The following CUBN variants were observed in gnomAD, a reference collection of about 807,000 sequenced individuals.
The protein encoded by CUBN is 460 kDa receptor.
CUBN carries 282 observed loss-of-function variants against 405.3 expected under a neutral mutation model. The observed-to-expected ratio is 0.70, with a 90% CI of 0.63 to 0.77. The LOEUF is 0.77. Ranked by LOEUF, CUBN falls within the 30% of genes least tolerant of loss-of-function variation. The pLI is 0.00. For missense variants in CUBN, 4,514 were observed against 4,475.2 expected (o/e 1.01, Z -0.25); for synonymous variants, 1,684 against 1,617.0 (o/e 1.04, Z -0.99).
intron 59 of CUBN, among the ~76,000 whole-genome samples, chr10:16,867,476 G>A (rs938978889): frequency 1.3e-5 from 2 of 152,310 alleles, no homozygotes; most frequent in Admixed American, 6.5e-5. Flanking sequence ...GGTCTTGAAA[G>A]CTTTGTAAGA....
chr10:17,000,343 A>G (rs1477010211), intron 28 of CUBN, among the ~76,000 whole-genome samples: 1 of 152,246 alleles, frequency 6.6e-6, no homozygotes, highest in Non-Finnish European at 1.5e-5. Flanking sequence ...AGCACTTTAT[A>G]AATGAGTAAT....
chr10:17,067,617 G>C (rs1433988918), intron 21 of CUBN, among the ~76,000 whole-genome samples: 1 of 152,058 alleles, frequency 6.6e-6, no homozygotes, highest in Non-Finnish European at 1.5e-5. Flanking sequence ...GTTTCAATTT[G>C]ATAAAACTAC....
In CUBN at chr10:17,071,623, T is replaced by C. The variant is rs1044807069; in HGVS notation, c.2447-19A>G. 6.2e-7 allele frequency: 1 copy of C among 1,607,692 alleles called. No homozygotes were observed. Among genetic ancestry groups the C allele is most frequent in the Middle Eastern group, 1.7e-4 (1 of 6,048 alleles). On this transcript the variant is annotated intron_variant, in intron 18 of 66. Transcript: ENST00000377833. ...CCGCAAGCTGTAAGCATAAAAATTA[T>C]AGTAGTGCTTGTCCAGATATTAATA...
At position 17,068,298 on chromosome 10, in the gene CUBN, A is replaced by T. The variant is rs10904871; in HGVS notation, c.2792-18T>A. On this transcript the variant is annotated intron_variant, in intron 20 of 66. Coordinates refer to ENST00000377833, the MANE Select transcript of CUBN (RefSeq NM_001081.4). ...TCCACATGCTGTTGAAATAAAAATT[A>T]TAATTACTGCAGCAAGTAACCAAGC... is the stretch of plus-strand genomic sequence containing the variant. The T allele has an allele frequency of 0.029, 47,244 of 1,610,120 alleles. 1,015 individuals carry two copies. Among genetic ancestry groups the T allele is most frequent in the African/African-American group, 0.11 (7,892 of 74,924 alleles).
intron 60 of CUBN, 39 bp from the exon 61 acceptor site, chr10:16,841,086 C>A: frequency 6.9e-6 from 11 of 1,594,562 alleles, no homozygotes; most frequent in South Asian, 2.2e-5. Context: ...CCATTACTTA[C>A]AAAAAATTGC....
rs1158083748 is a variant in CUBN, at chr10:17,065,525, G to C, written c.3122C>G (p.Ala1041Gly). The C allele has an allele frequency of 5.0e-6, 8 of 1,613,358 alleles. No homozygotes were observed. Among genetic ancestry groups the C allele is most frequent in the Non-Finnish European group, 5.9e-6 (7 of 1,179,444 alleles). Reference sequence around the variant, plus strand: ...TTTGTTACCTGTTGCTGCACTGATTGCTTCATAGTTTATTAAGAAGCCTTC... The same window carrying C: ...TTTGTTACCTGTTGCTGCACTGATTCCTTCATAGTTTATTAAGAAGCCTTC... Reference protein sequence around the residue: ...AYEGFLINYEAISAATACLQD... With the variant: ...AYEGFLINYEGISAATACLQD... The change falls in exon 22 of 67, where the codon GCA (alanine) becomes GGA (glycine). Residue 1041 changes from alanine to glycine, a missense_variant. Physicochemically the swap from Ala to Gly is moderately conservative, Grantham distance 60. Coordinates refer to ENST00000377833, the MANE Select transcript of CUBN (RefSeq NM_001081.4).
At chr10:17,022,667 GGA>G (rs1427371504) in intron 27 of CUBN, among the ~76,000 whole-genome samples, 1 of 152,158 alleles carries the variant, frequency 6.6e-6, no homozygotes, top group Non-Finnish European at 1.5e-5. Context: ...CTTCCCTGCA[GGA>G]GATTCATCTC....
intron 31 of CUBN, among the ~76,000 whole-genome samples, chr10:16,981,687 T>C (rs879653330): frequency 2.6e-5 from 4 of 152,172 alleles, no homozygotes; most frequent in Admixed American, 1.3e-4. Flanking sequence ...CAGCCAGTTC[T>C]AGGGTTCGTT....
At chr10:17,096,196 CT>C (rs1222105812) in intron 14 of CUBN, among the ~76,000 whole-genome samples, 1 of 152,032 alleles carries the variant, frequency 6.6e-6, no homozygotes, top group East Asian at 1.9e-4. Context: ...GAATGAATAG[CT>C]TCTAGAGATC....
Position 16,984,182 on chromosome 10 carries a change from T to G in CUBN, c.4448A>C (p.Glu1483Ala). ...NPMQVSSTGN[E>A]LAIRFKTDLS... ...GTCGGTCTTGAATCGAATTGCTAGC[T>G]CATTTCCAGTGCTGGAGACCTGCAT... is the stretch of plus-strand genomic sequence containing the variant. Residue 1483 changes from glutamate to alanine, a missense_variant, in exon 30 of 67, where the codon GAG becomes GCG. Glu to Ala is a moderately radical substitution (Grantham distance 107, BLOSUM62 -1). This residue lies in a region of CUBN where 1,613 missense variants were observed against 1,542.8 expected (regional missense o/e 1.05). Coordinates refer to ENST00000377833, the MANE Select transcript of CUBN (RefSeq NM_001081.4). The G allele has an allele frequency of 2.5e-6, 4 of 1,614,198 alleles. No homozygotes were observed. Among genetic ancestry groups the G allele is most frequent in the Admixed American group, 1.7e-5 (1 of 60,014 alleles).
intron 31 of CUBN, among the ~76,000 whole-genome samples, chr10:16,970,076 T>G (rs1018783122): frequency 6.6e-6 from 1 of 152,064 alleles, no homozygotes; most frequent in African/African-American, 2.4e-5. Flanking sequence ...CCCCAAGCCA[T>G]GAAGAGGGTG....
At chr10:17,091,402 TAA>T (rs66767096) in intron 14 of CUBN, among the ~76,000 whole-genome samples, 23 of 151,960 alleles carry the variant, frequency 1.5e-4, no homozygotes, top group South Asian at 2.1e-4. Flanking sequence ...GAATACTTTT[TAA>T]AAAAAAGAAA....
intron 59 of CUBN, among the ~76,000 whole-genome samples, chr10:16,863,693 T>C (rs943184460): frequency 6.6e-6 from 1 of 152,232 alleles, no homozygotes; most frequent in African/African-American, 2.4e-5. Flanking sequence ...GAAGTCTGAA[T>C]TGGACATGTT....
rs767143737 is a variant in CUBN, at chr10:17,110,911, G to A, written c.1015+8C>T. The A allele has an allele frequency of 6.2e-6, 10 of 1,614,172 alleles. No individual in the cohort carries two copies. The East Asian group carries it at 2.0e-4, about 32-fold the overall frequency. Reference sequence around the variant, plus strand: ...GGTCAGGAGGTTGACATTGAACCGAGGCAGCACCTGGTGGACAGGCCTGGC... The same window carrying A: ...GGTCAGGAGGTTGACATTGAACCGAAGCAGCACCTGGTGGACAGGCCTGGC... On this transcript the variant is annotated splice_region_variant and intron_variant, in intron 9 of 66. Transcript: ENST00000377833.
At chr10:16,833,194 T>C (rs1210937830) in intron 64 of CUBN, among the ~76,000 whole-genome samples, 1 of 152,220 alleles carries the variant, frequency 6.6e-6, no homozygotes, top group East Asian at 1.9e-4. Context: ...GATTATTCCA[T>C]CTTTCCTCCA....
chr10:16,996,714 C>T (rs1432955220), intron 28 of CUBN, among the ~76,000 whole-genome samples: 3 of 152,086 alleles, frequency 2.0e-5, no homozygotes, highest in Non-Finnish European at 4.4e-5. Flanking sequence ...GCTGTATTGC[C>T]CGGCGACTGC....
intron 65 of CUBN, among the ~76,000 whole-genome samples, chr10:16,829,969 TC>T (rs1838932035): frequency 6.6e-6 from 1 of 151,584 alleles, no homozygotes; most frequent in Admixed American, 6.6e-5. Flanking sequence ...GGAGTCTTGC[TC>T]CGTCACCCAG....
chr10:16,995,651 C>T (rs1454809463), intron 28 of CUBN, among the ~76,000 whole-genome samples: 2 of 152,060 alleles, frequency 1.3e-5, no homozygotes, highest in Non-Finnish European at 2.9e-5. Flanking sequence ...CCTCACAAGA[C>T]TTTATCCCCA....
intron 64 of CUBN, among the ~76,000 whole-genome samples, chr10:16,831,939 G>T (rs562341241): frequency 2.0e-5 from 3 of 152,146 alleles, no homozygotes; most frequent in Non-Finnish European, 4.4e-5. Flanking sequence ...ATAAAGTTCA[G>T]AACGAAAGGA....
Sources: allele counts gnomAD v4.1 joint callset (sites outside exome capture counted in the v4.1 genomes callset), GRCh38; gene constraint gnomAD v4.1.1; regional missense constraint gnomAD v4.1.1; transcripts MANE v1.5; gene names NCBI Gene and HGNC (gene_info 2026-07-23, HGNC 2026-07-21).